The following HSD11B1 variants were observed in gnomAD, a reference collection of about 807,000 sequenced individuals.
HSD11B1 encodes the protein 11-beta-hydroxysteroid dehydrogenase 1.
HSD11B1 carries 15 observed loss-of-function variants against 22.1 expected under a neutral mutation model. The ratio of observed to expected loss-of-function variants is 0.68; its 90% CI spans 0.45 to 1.04. The LOEUF is 1.04. Among genes scored for constraint, HSD11B1 ranks in the 50% least tolerant of loss-of-function variants. HSD11B1 has a pLI of 0.00. For synonymous variants in HSD11B1, 122 were observed against 125.2 expected, an observed-to-expected ratio of 0.97 and a Z score of 0.17; for missense variants, 281 against 357.6, an observed-to-expected ratio of 0.79 and a Z score of 1.73.
chr1:209,723,906 T>C (rs2076983711), intron 4 of HSD11B1: 1 of 152,308 alleles, frequency 6.6e-6, no homozygotes, highest in Non-Finnish European at 1.5e-5. Flanking sequence ...TGCATGCTTT[T>C]GTGGATTCTT....
At chr1:209,731,986 T>C (rs1433784636) in intron 4 of HSD11B1, among the ~76,000 whole-genome samples, 1 of 152,178 alleles carries the variant, frequency 6.6e-6, no homozygotes, top group Non-Finnish European at 1.5e-5. Context: ...AGATTATAGG[T>C]GTGAGCCACC....
chr1:209,688,344 C>T (rs1341266918), intron 1 of HSD11B1, among the ~76,000 whole-genome samples: 1 of 152,120 alleles, frequency 6.6e-6, no homozygotes, highest in African/African-American at 2.4e-5. Context: ...ATGGCCTGTC[C>T]CTTCTCTACT....
At chr1:209,714,514 A>G (rs2076918275) in intron 4 of HSD11B1, among the ~76,000 whole-genome samples, 1 of 152,182 alleles carries the variant, frequency 6.6e-6, no homozygotes, top group Non-Finnish European at 1.5e-5. Context: ...TAGTACCTGG[A>G]TTTCTGGCTT....
intron 1 of HSD11B1, chr1:209,686,400 A>C (rs1050193505): frequency 6.6e-6 from 1 of 152,210 alleles, no homozygotes; most frequent in African/African-American, 2.4e-5. Flanking sequence ...TATCGAAATG[A>C]ACAGGAGGGC....
At chr1:209,730,526 A>C (rs1040425096) in intron 4 of HSD11B1, among the ~76,000 whole-genome samples, 30 of 152,248 alleles carry the variant, frequency 2.0e-4, no homozygotes, top group Admixed American at 1.9e-3. Flanking sequence ...CTATTACGGC[A>C]AGAAAATCTC....
intron 4 of HSD11B1, among the ~76,000 whole-genome samples, chr1:209,724,341 T>C (rs778993996): frequency 6.6e-6 from 1 of 152,182 alleles, no homozygotes; most frequent in African/African-American, 2.4e-5. Context: ...CCCCTTCTTT[T>C]TGGAAGATCA....
chr1:209,690,020 G>A (rs2076749917), intron 1 of HSD11B1, among the ~76,000 whole-genome samples: 2 of 152,212 alleles, frequency 1.3e-5, no homozygotes, highest in African/African-American at 2.4e-5. Flanking sequence ...ATTTTTGGCT[G>A]AAAATAAACT....
intron 1 of HSD11B1, among the ~76,000 whole-genome samples, chr1:209,688,154 C>T (rs1287416628): frequency 6.6e-6 from 1 of 152,140 alleles, no homozygotes; most frequent in East Asian, 1.9e-4. Context: ...CAACACAGAC[C>T]CTTGCTCTAG....
At chr1:209,704,269 C>T (rs566564171), upstream of HSD11B1, among the ~76,000 whole-genome samples, 10 of 152,294 alleles carry the variant, frequency 6.6e-5, no homozygotes, top group Middle Eastern at 3.4e-3. Context: ...TTGGATTTCC[C>T]GCCATCTGGG....
Position 209,706,866 on chromosome 1 carries a change from G to T in HSD11B1, c.331+46G>T. 6.2e-7 allele frequency: 1 copy of T among 1,600,690 alleles called. No homozygotes were observed. Among genetic ancestry groups the T allele is most frequent in the Non-Finnish European group, 8.5e-7 (1 of 1,171,018 alleles). ...TCCTCCTCTGAACTTTGCCCTTGGG[G>T]TCACCAAGAGCTTTTGGGAGGAGAA... is the stretch of plus-strand genomic sequence containing the variant. On this transcript the variant is annotated intron_variant, in intron 3 of 5. Transcript: ENST00000367027. This position sits in a 1 kb window ranked among gnomAD's most constrained non-coding sequence, Gnocchi z 4.0.
At chr1:209,734,008 C>A (rs774190876) in intron 5 of HSD11B1, among the ~76,000 whole-genome samples, 21 of 152,142 alleles carry the variant, frequency 1.4e-4, no homozygotes, top group Admixed American at 3.3e-4. Context: ...ACTTCTCCGC[C>A]TCCAACCAAA....
At chr1:209,717,163 A>T (rs1031302285) in intron 4 of HSD11B1, among the ~76,000 whole-genome samples, 1 of 152,196 alleles carries the variant, frequency 6.6e-6, no homozygotes, top group African/African-American at 2.4e-5. Context: ...TGCGACAAGG[A>T]CTAATATCCA....
In HSD11B1 at chr1:209,718,270, G is replaced by A. The variant is rs150859735; in HGVS notation, c.517+11142G>A. Among the ~76,000 whole-genome samples, 865 of 152,312 alleles carry A rather than the reference G, an allele frequency of 5.7e-3. 12 individuals are homozygous for A. Among genetic ancestry groups the A allele is most frequent in the African/African-American group, 0.02 (829 of 41,568 alleles). On this transcript the variant is annotated intron_variant, in intron 4 of 5. Coordinates refer to ENST00000367027, the MANE Select transcript of HSD11B1 (RefSeq NM_005525.4). The stretch of plus-strand genomic sequence containing the variant: ...CTCAACACAGAAATAATAAATGCTT[G>A]TGATGATGGATATCCTAAATACCCT...
chr1:209,715,090 G>T (rs12094117), intron 4 of HSD11B1, among the ~76,000 whole-genome samples: 29,731 of 152,084 alleles, frequency 0.2, 2,950 homozygotes, highest in East Asian at 0.22. Flanking sequence ...AACCTAGGTG[G>T]GATGAAGAGG....
rs764610512 is a variant in HSD11B1, at chr1:209,704,902, C to G, written c.-41C>G. Reference sequence around the variant, plus strand: ...TTGTAGAAAGCTCTGTAGGTTCTCTCTGTGTGTCCTACAGGAGTCTTCAGG... The same window carrying G: ...TTGTAGAAAGCTCTGTAGGTTCTCTGTGTGTGTCCTACAGGAGTCTTCAGG... On this transcript the variant is annotated 5_prime_UTR_variant, in exon 1 of 6. Transcript: ENST00000367027. 1 of 1,466,746 alleles carries G rather than the reference C, an allele frequency of 6.8e-7. No homozygotes were observed. Among genetic ancestry groups the G allele is most frequent in the Non-Finnish European group, 9.6e-7 (1 of 1,046,170 alleles). 90.9% of individuals were successfully genotyped at this position (1,466,746 alleles called of 1,614,324 possible). A position where few individuals can be genotyped will look rare whatever the true frequency, so the allele number is the denominator to read the frequency against.
chr1:209,706,045 C>A lies in HSD11B1; in HGVS notation c.219+104C>A. ...AGCTAGCATATCGCAGATCTATATA[C>A]AGAGGCACATGCACACACACAGACA... On this transcript the variant is annotated intron_variant, in intron 2 of 5. Coordinates refer to ENST00000367027, the MANE Select transcript of HSD11B1 (RefSeq NM_005525.4). This position sits in a 1 kb window ranked among gnomAD's most constrained non-coding sequence, Gnocchi z 4.0. The A allele has an allele frequency of 1.0e-5, 15 of 1,459,072 alleles. No individual in the cohort carries two copies. The highest frequency in any genetic ancestry group is 1.3e-5 in the Non-Finnish European group (14 of 1,045,122). 90.4% of individuals were successfully genotyped at this position (1,459,072 alleles called of 1,614,324 possible). A position where few individuals can be genotyped will look rare whatever the true frequency, so the allele number is the denominator to read the frequency against.
At chr1:209,689,621 T>A (rs1461018363) in intron 1 of HSD11B1, among the ~76,000 whole-genome samples, 2 of 152,086 alleles carry the variant, frequency 1.3e-5, no homozygotes, top group African/African-American at 4.8e-5. Flanking sequence ...ACTCTATGAG[T>A]TCCTGCAAGA....
chr1:209,691,541 A>G (rs1268365830), intron 1 of HSD11B1, among the ~76,000 whole-genome samples: 1 of 149,130 alleles, frequency 6.7e-6, no homozygotes, highest in African/African-American at 2.4e-5. Context: ...AATTTGACCT[A>G]TTTATTTGAA....
intron 1 of HSD11B1, among the ~76,000 whole-genome samples, chr1:209,691,644 A>G (rs2076760325): frequency 6.6e-6 from 1 of 152,246 alleles, no homozygotes; most frequent in Non-Finnish European, 1.5e-5. Context: ...CAGGAATTCA[A>G]TGAAGACTAG....
Sources: allele counts gnomAD v4.1 joint callset (sites outside exome capture counted in the v4.1 genomes callset), GRCh38; gene constraint gnomAD v4.1.1; non-coding constraint Gnocchi (gnomAD v3.1); transcripts MANE v1.5; gene names NCBI Gene and HGNC (gene_info 2026-07-23, HGNC 2026-07-21).